The following DUOX1 variants were observed in gnomAD, a reference collection of about 807,000 sequenced individuals.
The protein encoded by DUOX1 is NADPH thyroid oxidase 1.
A neutral mutation model predicts 181.8 loss-of-function variants in DUOX1; 134 were observed. The ratio of observed to expected loss-of-function variants is 0.74; its 90% CI spans 0.64 to 0.85. The LOEUF (loss-of-function observed/expected upper bound fraction) is 0.85. Ranked by LOEUF, DUOX1 falls within the 40% of genes least tolerant of loss-of-function variation. The pLI is 0.00. For missense variants in DUOX1, 1,814 were observed against 2,064.4 expected, an observed-to-expected ratio of 0.88 and a Z score of 2.35; for synonymous variants, 798 against 832.5, an observed-to-expected ratio of 0.96 and a Z score of 0.71.
intron 28 of DUOX1, among the ~76,000 whole-genome samples, chr15:45,159,471 G>T (rs1897045328): frequency 1.3e-5 from 2 of 152,192 alleles, no homozygotes; most frequent in African/African-American, 4.8e-5. Flanking sequence ...GGCCTGAAAA[G>T]ATATATTTTA....
rs1290992017 is a variant in DUOX1 at position 45,164,800 on chromosome 15, A to G, written c.4555A>G (p.Ser1519Gly). 10 of 1,614,024 alleles carry G rather than the reference A, an allele frequency of 6.2e-6. No homozygotes were observed. The highest frequency in any genetic ancestry group is 8.5e-6 in the Non-Finnish European group (10 of 1,180,018). Residue 1519 changes from serine (S) to glycine (G), a missense_variant, in exon 34 of 34, where the codon AGC (serine) becomes GGC (glycine). Around this residue, in one of 5 missense-constraint regions of DUOX1, gnomAD observed 124 missense variants for 125.7 expected, o/e 0.99. Transcript: ENST00000389037. ...HPQVRKIGVF[S>G]CGPPGMTKNV... Reference sequence around the variant, plus strand: ...ACAGGTCCGGAAGATCGGGGTGTTTAGCTGTGGCCCCCCTGGCATGACCAA... The same window carrying G: ...ACAGGTCCGGAAGATCGGGGTGTTTGGCTGTGGCCCCCCTGGCATGACCAA...
At chr15:45,139,201 C>T (rs1037293296) in intron 11 of DUOX1, 33 bp downstream of exon 11, 9 of 1,613,736 alleles carry the variant, frequency 5.6e-6, no homozygotes, top group Non-Finnish European at 7.6e-6. Flanking sequence ...AGGTTGTGAA[C>T]TCCTGGCCTC....
intron 14 of DUOX1, 52 bp from the exon 15 acceptor site, chr15:45,141,923 G>T: frequency 6.4e-7 from 1 of 1,570,804 alleles, no homozygotes; most frequent in South Asian, 1.2e-5. Context: ...GTGATCCTGT[G>T]CCAGCACCTG....
intron 27 of DUOX1, among the ~76,000 whole-genome samples, chr15:45,154,498 T>C (rs1896917631): frequency 6.6e-6 from 1 of 152,182 alleles, no homozygotes; most frequent in Admixed American, 6.5e-5. Context: ...GCTGTGAATC[T>C]ATTCAAATTC....
At position 45,134,127 on chromosome 15, in the gene DUOX1, T is replaced by C. The variant is rs1484311274; in HGVS notation, c.143-18T>C. ...GCCCCCTGAAGATTCATCCTTATCC[T>C]TACCCCTCCTACCCCAGGCTCCCGG... On this transcript the variant is annotated intron_variant, in intron 3 of 33. Coordinates refer to ENST00000389037, the MANE Select transcript of DUOX1 (RefSeq NM_175940.3). The C allele has an allele frequency of 6.5e-7, 1 of 1,548,038 alleles. No homozygotes were observed. Among genetic ancestry groups the C allele is most frequent in the Non-Finnish European group, 8.7e-7 (1 of 1,152,148 alleles).
rs1278560733 is a variant in DUOX1, at chr15:45,160,792, C to T, written c.3703-45C>T. 1.9e-6 allele frequency: 3 copies of T among 1,562,616 alleles called. No homozygotes were observed. In the East Asian group the frequency reaches 6.7e-5, roughly 35 times the overall value. On this transcript the variant is annotated intron_variant, in intron 28 of 33. Coordinates refer to ENST00000389037, the MANE Select transcript of DUOX1 (RefSeq NM_175940.3). The stretch of plus-strand genomic sequence containing the variant: ...AGGCCTGAGCTGGCCCTGTATTCTG[C>T]TATGGGCATCGCTAGGTCTGAGCAG...
intron 18 of DUOX1, among the ~76,000 whole-genome samples, chr15:45,146,145 G>T (rs903871435): frequency 6.6e-6 from 1 of 152,196 alleles, no homozygotes; most frequent in Non-Finnish European, 1.5e-5. Flanking sequence ...AGTTGGACAA[G>T]TTTTGGCTCA....
At chr15:45,142,156 A>G (rs1896517048) in intron 15 of DUOX1, 44 bp downstream of exon 15, 1 of 1,592,800 alleles carries the variant, frequency 6.3e-7, no homozygotes, top group Admixed American at 1.7e-5. Context: ...GATGCAAGCT[A>G]GGGGATGCAG....
chr15:45,152,355 G>T lies in DUOX1; in HGVS notation c.3263G>T (p.Gly1088Val), dbSNP rs745637095. 1.2e-6 allele frequency: 2 copies of T among 1,614,176 alleles called. No individual in the cohort carries two copies. Among genetic ancestry groups the T allele is most frequent in the Admixed American group, 3.3e-5 (2 of 60,032 alleles). ...CGCGTGGGAATCATCCTGTCGCGGGGCACAGCAGCCAGCATCTCTTTCATG... is the reference window on the plus strand; with the variant it reads ...CGCGTGGGAATCATCCTGTCGCGGGTCACAGCAGCCAGCATCTCTTTCATG... ...TTRVGIILSRGTAASISFMFS... is the reference protein window; with the variant it reads ...TTRVGIILSRVTAASISFMFS... Residue 1088 changes from glycine (G) to valine (V), a missense_variant, in exon 25 of 34, where the codon GGC becomes GTC. Around this residue, in one of 5 missense-constraint regions of DUOX1, gnomAD observed 1,064 missense variants for 1,152.9 expected, o/e 0.92. Coordinates refer to ENST00000389037, the MANE Select transcript of DUOX1 (RefSeq NM_175940.3).
At chr15:45,139,316 A>G (rs1896429046) in intron 11 of DUOX1, 111 bp from the exon 12 acceptor site, 2 of 1,589,416 alleles carry the variant, frequency 1.3e-6, no homozygotes, top group Non-Finnish European at 8.6e-7. Context: ...CATGCTGACC[A>G]TGGCTCCTTC....
chr15:45,153,704 G>A, intron 26 of DUOX1: 1 of 643,394 alleles, frequency 1.6e-6, no homozygotes, highest in Admixed American at 2.5e-5. Flanking sequence ...TCCCCTGAAG[G>A]GTCCCATCTG....
At chr15:45,140,157 AC>A in intron 12 of DUOX1, 1 of 773,580 alleles carries the variant, frequency 1.3e-6, no homozygotes, top group Non-Finnish European at 2.1e-6. Flanking sequence ...TAGCCAAGAG[AC>A]CAGATTGGGA....
intron 31 of DUOX1, among the ~76,000 whole-genome samples, chr15:45,162,921 C>T (rs989430869): frequency 6.6e-6 from 1 of 152,226 alleles, no homozygotes; most frequent in Non-Finnish European, 1.5e-5. Flanking sequence ...GGCCCCTGCT[C>T]GTTTCTCTGG....
rs774777943 is a variant in DUOX1 at position 45,131,966 on chromosome 15, C to T, written c.-1C>T. Reference sequence around the variant, plus strand: ...ATCCCTGAGCCCCTATTATTTTCATCATGGGCTTCTGCCTGGCTCTAGCAT... The same window carrying T: ...ATCCCTGAGCCCCTATTATTTTCATTATGGGCTTCTGCCTGGCTCTAGCAT... On this transcript the variant is annotated 5_prime_UTR_variant, in exon 2 of 34. Transcript: ENST00000389037. 13 of 1,613,954 alleles carry T rather than the reference C, an allele frequency of 8.1e-6. No homozygotes were observed. Among genetic ancestry groups the T allele is most frequent in the Non-Finnish European group, 1.1e-5 (13 of 1,180,000 alleles).
chr15:45,141,138 TAGAC>T lies in DUOX1; in HGVS notation c.1565+71_1565+74del, dbSNP rs1053632390. 2.0e-5 allele frequency: 32 copies of T among 1,596,712 alleles called. No individual in the cohort carries two copies. The African/African-American group carries it at 3.4e-4, about 17-fold the overall frequency. The stretch of plus-strand genomic sequence containing the variant: ...GGGCCCCAGACCCTCTTTCTGGCCT[TAGAC>T]AGCCCCCATGAGCCCTTGATTCCAA... On this transcript the variant is annotated intron_variant, in intron 13 of 33. Transcript: ENST00000389037.
intron 15 of DUOX1, among the ~76,000 whole-genome samples, chr15:45,142,789 G>GGAAGGAACGAAGGAAGGAAGGAAGGA (rs1480496555): frequency 7.2e-6 from 1 of 139,762 alleles, no homozygotes; most frequent in Non-Finnish European, 1.5e-5. Context: ...GGAAGGAAGG[G>GGAAGGAACGAAGGAAGGAAGGAAGGA]AGGGAGGAAG....
chr15:45,139,721 C>A, intron 12 of DUOX1, 122 bp downstream of exon 12: 2 of 1,109,892 alleles, frequency 1.8e-6, no homozygotes. Flanking sequence ...AGGGGCAGGG[C>A]TTACCCAGAT....
rs1411944034 is a variant in DUOX1, at chr15:45,164,814, T to C, written c.4569T>C (p.Pro1523=). ...RKIGVFSCGP[P]GMTKNVEKAC... ...TCGGGGTGTTTAGCTGTGGCCCCCC[T>C]GGCATGACCAAGAATGTGGAAAAGG... The change falls in exon 34 of 34, where the codon CCT becomes CCC. Residue 1523 remains proline, a synonymous_variant. Transcript: ENST00000389037. 2.5e-6 allele frequency: 4 copies of C among 1,613,996 alleles called. No homozygotes were observed. The highest frequency in any genetic ancestry group is 2.7e-5 in the African/African-American group (2 of 74,908).
intron 21 of DUOX1, among the ~76,000 whole-genome samples, chr15:45,150,010 C>G (rs1221329547): frequency 1.3e-5 from 2 of 152,218 alleles, no homozygotes; most frequent in Non-Finnish European, 2.9e-5. Flanking sequence ...TTGACCTCAA[C>G]TATAGACCAG....
Sources: gnomAD v4.1 joint callset for allele counts (sites outside exome capture counted in the v4.1 genomes callset) on GRCh38, gnomAD v4.1.1 for gene constraint, gnomAD v4.1.1 regional missense constraint, MANE v1.5 for transcripts, NCBI Gene and HGNC (gene_info 2026-07-23, HGNC 2026-07-21) for gene names.